The following CCT6B variants were observed in gnomAD, a reference collection of about 807,000 sequenced individuals.
CCT6B encodes the protein chaperonin containing TCP1 subunit 6B.
Under a neutral mutation model 61.5 loss-of-function variants are expected in CCT6B, and 49 were observed. The ratio of observed to expected loss-of-function variants is 0.80; its 90% CI spans 0.63 to 1.01. The LOEUF is 1.01. CCT6B is among the 50% of genes least tolerant of loss of function. The pLI is 0.00. For missense variants in CCT6B, 666 were observed against 634.7 expected, an observed-to-expected ratio of 1.05 and a Z score of -0.53; for synonymous variants, 228 against 214.5, an observed-to-expected ratio of 1.06 and a Z score of -0.55.
intron 10 of CCT6B, among the ~76,000 whole-genome samples, chr17:34,936,571 A>C (rs1035444598): frequency 6.6e-6 from 1 of 152,210 alleles, no homozygotes; most frequent in African/African-American, 2.4e-5. Flanking sequence ...GTGATTTAGC[A>C]AGGTTGCAGA....
chr17:34,955,511 T>C (rs1278037174), intron 3 of CCT6B, among the ~76,000 whole-genome samples: 1 of 152,148 alleles, frequency 6.6e-6, no homozygotes, highest in Non-Finnish European at 1.5e-5. Flanking sequence ...ATGAGAGAAA[T>C]GAAAATGCTT....
At position 34,954,590 on chromosome 17, in the gene CCT6B, G is replaced by A; in HGVS notation, c.346C>T (p.Pro116Ser). The change falls in exon 4 of 14, where the codon CCT (proline) becomes TCT (serine). Residue 116 changes from proline to serine, a missense_variant. Physicochemically the swap from Pro to Ser is moderately conservative, Grantham distance 74. Coordinates refer to ENST00000314144, the MANE Select transcript of CCT6B (RefSeq NM_006584.4). ...ADLYISEGLH[P>S]RIIAEGFEAA... ...TCAAATCCTTCAGCTATTATTCTAG[G>A]GTGCAGGCCCTGTTACATCAACATA... The A allele has an allele frequency of 1.2e-6, 2 of 1,606,820 alleles. No homozygotes were observed. The highest frequency in any genetic ancestry group is 1.7e-6 in the Non-Finnish European group (2 of 1,177,866).
intron 5 of CCT6B, among the ~76,000 whole-genome samples, chr17:34,945,558 C>T (rs1172700608): frequency 6.6e-6 from 1 of 152,142 alleles, no homozygotes; most frequent in African/African-American, 2.4e-5. Flanking sequence ...TAAGTACATC[C>T]TAATCCAAAC....
intron 10 of CCT6B, 126 bp downstream of exon 10, chr17:34,939,057 C>A (rs977061757): frequency 3.9e-6 from 3 of 762,826 alleles, no homozygotes; most frequent in Non-Finnish European, 6.0e-6. Flanking sequence ...GCACTAAAGC[C>A]TGGGCAACAG....
chr17:34,932,806 G>C (rs1027896702), intron 10 of CCT6B, among the ~76,000 whole-genome samples: 6 of 151,824 alleles, frequency 4.0e-5, no homozygotes, highest in African/African-American at 1.5e-4. Context: ...TTCTGAGATG[G>C]AGTTTTACTC....
At position 34,961,384 on chromosome 17, in the gene CCT6B, T is replaced by C. The variant is rs201942552; in HGVS notation, c.10A>G (p.Ile4Val). 6.2e-5 allele frequency: 100 copies of C among 1,609,092 alleles called. 1 individual carries two copies. The East Asian group carries it at 1.7e-3, about 27-fold the overall frequency. Residue 4 changes from isoleucine (I) to valine (V), a missense_variant, in exon 1 of 14, where the codon ATA (isoleucine) becomes GTA (valine). Physicochemically the swap from Ile to Val is conservative, Grantham distance 29 (BLOSUM62 3). Transcript: ENST00000314144. MAA[I>V]KAVNSKAEVA... ...TCAGCCTTGGAGTTGACGGCCTTTATCGCAGCCATAGCCTAACCGTTCAGA... is the reference window on the plus strand; with the variant it reads ...TCAGCCTTGGAGTTGACGGCCTTTACCGCAGCCATAGCCTAACCGTTCAGA...
intron 2 of CCT6B, among the ~76,000 whole-genome samples, chr17:34,959,308 T>C (rs2090384831): frequency 6.7e-6 from 1 of 149,998 alleles, no homozygotes; most frequent in Non-Finnish European, 1.5e-5. Flanking sequence ...TTTTTTTTTT[T>C]TTTTGTAGAG....
intron 8 of CCT6B, among the ~76,000 whole-genome samples, 184 bp downstream of exon 8, chr17:34,940,355 A>C (rs769488342): frequency 1.2e-4 from 18 of 152,254 alleles, no homozygotes; most frequent in Admixed American, 3.9e-4. Context: ...AAAGTTCTGC[A>C]GTAGGTTAAC....
chr17:34,932,589 T>C (rs1260528136), intron 10 of CCT6B, 89 bp from the exon 11 acceptor site: 12 of 1,197,138 alleles, frequency 1.0e-5, no homozygotes, highest in Non-Finnish European at 1.2e-5. Context: ...TATTTAAGTA[T>C]GTTCTATTAT....
rs192329213 is a variant in CCT6B, at chr17:34,933,772, C to T, written c.1214-1272G>A. Reference sequence around the variant, plus strand: ...AGTACTTAAAGAGAAATTTATATCACGAAACACCTATATTAGGAACGAAGA... The same window carrying T: ...AGTACTTAAAGAGAAATTTATATCATGAAACACCTATATTAGGAACGAAGA... On this transcript the variant is annotated intron_variant, in intron 10 of 13. Coordinates refer to ENST00000314144, the MANE Select transcript of CCT6B (RefSeq NM_006584.4). Among the ~76,000 whole-genome samples the T allele has an allele frequency of 1.7e-3, 264 of 152,166 alleles. 1 individual carries two copies. Among genetic ancestry groups the T allele is most frequent in the South Asian group, 0.013 (64 of 4,812 alleles).
intron 2 of CCT6B, among the ~76,000 whole-genome samples, chr17:34,959,013 C>T (rs2090379952): frequency 6.8e-6 from 1 of 147,866 alleles, no homozygotes; most frequent in Admixed American, 6.8e-5. Flanking sequence ...TCCATAATTA[C>T]AAAGAACATA....
intron 3 of CCT6B, among the ~76,000 whole-genome samples, chr17:34,955,115 C>G (rs1202784562): frequency 6.6e-6 from 1 of 152,150 alleles, no homozygotes; most frequent in Non-Finnish European, 1.5e-5. Flanking sequence ...ATAGGCAAAT[C>G]CACACTGAGG....
intron 11 of CCT6B, 149 bp from the exon 12 acceptor site, chr17:34,931,200 T>C (rs1303145893): frequency 7.8e-6 from 2 of 256,410 alleles, no homozygotes; most frequent in Non-Finnish European, 1.4e-5. Flanking sequence ...TTAATCTAAA[T>C]CAAATTATTA....
chr17:34,958,609 A>G lies in CCT6B; in HGVS notation c.287T>C (p.Val96Ala). The change falls in exon 3 of 14, where the codon GTT becomes GCT. Residue 96 changes from valine to alanine, a missense_variant. Transcript: ENST00000314144. ...DVTGDGTTSN[V>A]LIIGELLKQA... ...TTTTAATAACTCTCCAATAATTAGA[A>G]CATTTGAAGTAGTACCATCTCCTGT... 6.3e-7 allele frequency: 1 copy of G among 1,598,948 alleles called. No individual in the cohort carries two copies. The highest frequency in any genetic ancestry group is 8.5e-7 in the Non-Finnish European group (1 of 1,171,360).
rs2090196740 is a variant in CCT6B at position 34,944,054 on chromosome 17, T to C, written c.615-1148A>G. The C allele has an allele frequency of 2.0e-5, 3 of 152,172 alleles. No homozygotes were observed. In the South Asian group the frequency reaches 6.2e-4, roughly 32 times the overall value. The allele number at this position is 152,172 out of a possible 1,614,324, so 9.4% of individuals were successfully genotyped here. A position where few individuals can be genotyped will look rare whatever the true frequency, so the allele number is the denominator to read the frequency against. On this transcript the variant is annotated intron_variant, in intron 5 of 13. Coordinates refer to ENST00000314144, the MANE Select transcript of CCT6B (RefSeq NM_006584.4). ...AAACTATTTTAGTTCAACATAATTATAAGGAAGTTTTCAAAATTTTACTTT... is the reference window on the plus strand; with the variant it reads ...AAACTATTTTAGTTCAACATAATTACAAGGAAGTTTTCAAAATTTTACTTT...
chr17:34,954,714 TAA>T (rs763800200), intron 3 of CCT6B, 115 bp from the exon 4 acceptor site: 9 of 730,552 alleles, frequency 1.2e-5, no homozygotes, highest in Admixed American at 3.4e-5. Context: ...CCATGAAATA[TAA>T]GTGTACATAA....
intron 5 of CCT6B, among the ~76,000 whole-genome samples, chr17:34,947,280 GA>G (rs2090234660): frequency 6.6e-6 from 1 of 152,090 alleles, no homozygotes; most frequent in Non-Finnish European, 1.5e-5. Context: ...TCCAGAATCA[GA>G]TAAACGATAG....
Position 34,942,535 on chromosome 17 carries a change from C to G in CCT6B, c.834G>C (p.Lys278Asn). 1 of 1,603,902 alleles carries G rather than the reference C, an allele frequency of 6.2e-7. No homozygotes were observed. Among genetic ancestry groups the G allele is most frequent in the Non-Finnish European group, 8.5e-7 (1 of 1,177,346 alleles). ...TATTTGACTGAGCACAGACTTTGTC[C>G]TTCAGGTCTATTATTTTTTGTACTC... ...EDRVQKIIDL[K>N]DKVCAQSNKG... The change falls in exon 7 of 14, where the codon AAG (lysine) becomes AAC (asparagine). Residue 278 changes from lysine (K) to asparagine (N), a missense_variant. Transcript: ENST00000314144.
At chr17:34,930,303 C>G (rs960630410) in intron 12 of CCT6B, among the ~76,000 whole-genome samples, 53 of 152,212 alleles carry the variant, frequency 3.5e-4, no homozygotes, top group African/African-American at 1.2e-3. Flanking sequence ...TGTCACACCT[C>G]TGCTCAAAAT....
Sources: allele counts gnomAD v4.1 joint callset (sites outside exome capture counted in the v4.1 genomes callset), GRCh38; gene constraint gnomAD v4.1.1; transcripts MANE v1.5; gene names NCBI Gene and HGNC (gene_info 2026-07-23, HGNC 2026-07-21).